Variants in LHPP observed in about 807,000 individuals in gnomAD.
The protein encoded by LHPP is phospholysine phosphohistidine inorganic pyrophosphate phosphatase, also known as hLHPP.
A neutral mutation model predicts 30.3 loss-of-function variants in LHPP; 24 were observed. The ratio of observed to expected loss-of-function variants is 0.79; its 90% confidence interval spans 0.57 to 1.11. The LOEUF (loss-of-function observed/expected upper bound fraction) is 1.11. Among genes scored for constraint, LHPP ranks in the 50% most tolerant of loss-of-function variants. The pLI, the probability that LHPP is intolerant of heterozygous loss-of-function variation, is 0.00. For synonymous variants in LHPP, 150 were observed against 157.1 expected (o/e 0.95, Z 0.34); for missense variants, 356 against 367.2 (o/e 0.97, Z 0.25).
At chr10:124,486,788 G>C (rs748355128) in intron 2 of LHPP, among the ~76,000 whole-genome samples, 1 of 152,188 alleles carries the variant, frequency 6.6e-6, no homozygotes, top group Non-Finnish European at 1.5e-5. Flanking sequence ...GGTGTTCACT[G>C]TAAGCCAAGC....
At chr10:124,534,135 G>A (rs959806842) in intron 6 of LHPP, among the ~76,000 whole-genome samples, 6 of 152,224 alleles carry the variant, frequency 3.9e-5, no homozygotes, top group Non-Finnish European at 7.3e-5. Context: ...GGCCCTAGGC[G>A]TGATAAGTGA....
chr10:124,486,673 TG>T (rs1306451718), intron 2 of LHPP, among the ~76,000 whole-genome samples: 6 of 152,178 alleles, frequency 3.9e-5, no homozygotes, highest in Admixed American at 2.6e-4. Context: ...CCAGGGTTTT[TG>T]TGTAGACATT....
chr10:124,605,806 A>G (rs955923399), intron 6 of LHPP, among the ~76,000 whole-genome samples: 1 of 142,774 alleles, frequency 7.0e-6, no homozygotes, highest in Non-Finnish European at 1.5e-5. Flanking sequence ...CTGGCTGCAA[A>G]AGAGGAGAGG....
rs151332601 is a variant in LHPP at position 124,595,106 on chromosome 10, T to G, written c.717-18158T>G. On this transcript the variant is annotated intron_variant, in intron 6 of 6. Transcript: ENST00000368842. ...TTTAATGAGGCTGGGCCTGCCTCTTTCTGATGGAATGAACTCTCCCCAGGT... is the reference window on the plus strand; with the variant it reads ...TTTAATGAGGCTGGGCCTGCCTCTTGCTGATGGAATGAACTCTCCCCAGGT... Among the ~76,000 whole-genome samples the G allele has an allele frequency of 2.6e-5, 4 of 152,310 alleles. No individual in the cohort carries two copies. In the East Asian group the frequency reaches 7.7e-4, roughly 29 times the overall value.
chr10:124,545,485 A>G (rs1955312351), intron 6 of LHPP, among the ~76,000 whole-genome samples: 1 of 152,126 alleles, frequency 6.6e-6, no homozygotes, highest in Admixed American at 6.5e-5. Flanking sequence ...TTTGTGCAGG[A>G]GGGTCTTTGT....
intron 6 of LHPP, among the ~76,000 whole-genome samples, chr10:124,528,764 T>G (rs1954808592): frequency 6.8e-6 from 1 of 147,630 alleles, no homozygotes; most frequent in South Asian, 2.2e-4. Flanking sequence ...ACCAAGCACC[T>G]ACTATGGCCA....
chr10:124,497,320 C>T (rs1172067040), intron 4 of LHPP, among the ~76,000 whole-genome samples: 3 of 151,752 alleles, frequency 2.0e-5, no homozygotes, highest in Admixed American at 6.6e-5. Context: ...CCCCCCTGCC[C>T]GCCGTGGACC....
chr10:124,572,669 GA>G (rs1248183626), intron 6 of LHPP, among the ~76,000 whole-genome samples: 1 of 124,720 alleles, frequency 8.0e-6, no homozygotes, highest in South Asian at 2.8e-4. Flanking sequence ...GGAAAGAAAA[GA>G]AAAAAAAGAA....
chr10:124,529,836 C>T (rs937970426), intron 6 of LHPP, among the ~76,000 whole-genome samples: 1 of 147,836 alleles, frequency 6.8e-6, no homozygotes, highest in East Asian at 2.0e-4. Context: ...CACACACATG[C>T]GCACATGCAC....
chr10:124,568,563 G>A (rs1948532208), intron 6 of LHPP, among the ~76,000 whole-genome samples: 1 of 152,214 alleles, frequency 6.6e-6, no homozygotes, highest in South Asian at 2.1e-4. Flanking sequence ...TTCCCGCTTC[G>A]TGGCAAGTCG....
intron 3 of LHPP, among the ~76,000 whole-genome samples, chr10:124,488,980 A>T (rs1163283658): frequency 2.6e-5 from 4 of 152,214 alleles, no homozygotes; most frequent in African/African-American, 9.7e-5. Flanking sequence ...TTAGTAAAAC[A>T]TAGGCTTGAG....
At chr10:124,481,391 T>G (rs61861931) in intron 1 of LHPP, among the ~76,000 whole-genome samples, 91 of 140,758 alleles carry the variant, frequency 6.5e-4, no homozygotes, top group Non-Finnish European at 7.4e-4. Flanking sequence ...TTTTTTTTTT[T>G]TTTGCGACAG....
At chr10:124,542,501 G>A (rs57657410) in intron 6 of LHPP, among the ~76,000 whole-genome samples, 27,484 of 152,120 alleles carry the variant, frequency 0.18, 4,305 homozygotes, top group African/African-American at 0.43. Flanking sequence ...TGGAGAGGGC[G>A]CTGGGGGAAT....
Position 124,506,845 on chromosome 10 carries a change from G to C in LHPP, c.624+8717G>C, listed in dbSNP as rs1193696073. Among the ~76,000 whole-genome samples the C allele has an allele frequency of 5.4e-5, 2 of 36,840 alleles. 1 individual carries two copies. The highest frequency in any genetic ancestry group is 4.4e-4 in the Admixed American group (2 of 4,566). 24.2% of individuals were successfully genotyped at this position (36,840 alleles called of 152,430 possible). ...GGGGGGTAGGGAGGATTTCAGGTAG[G>C]GGGTAGGGAGGATTTCAGGTGGAGA... On this transcript the variant is annotated intron_variant, in intron 5 of 6. Transcript: ENST00000368842.
intron 5 of LHPP, among the ~76,000 whole-genome samples, chr10:124,502,322 C>G (rs1188638474): frequency 2.0e-5 from 3 of 151,890 alleles, no homozygotes; most frequent in Admixed American, 2.0e-4. Context: ...GAGGAGGTGT[C>G]TTCCAGAGTT....
At chr10:124,467,695 T>A (rs925795786) in intron 1 of LHPP, among the ~76,000 whole-genome samples, 1 of 127,170 alleles carries the variant, frequency 7.9e-6, no homozygotes, top group African/African-American at 3.1e-5. Flanking sequence ...TTTTCTTTTG[T>A]GTGTGTGTGT....
At chr10:124,470,296 C>T (rs1952688791) in intron 1 of LHPP, among the ~76,000 whole-genome samples, 1 of 152,162 alleles carries the variant, frequency 6.6e-6, no homozygotes, top group Non-Finnish European at 1.5e-5. Flanking sequence ...GGGCCCAGCC[C>T]AGGCCCGGCT....
intron 1 of LHPP, among the ~76,000 whole-genome samples, chr10:124,481,171 A>C (rs974122610): frequency 6.6e-5 from 10 of 152,078 alleles, no homozygotes; most frequent in African/African-American, 1.2e-4. Context: ...CAATTGCGTA[A>C]ATCAGATGAT....
intron 6 of LHPP, among the ~76,000 whole-genome samples, chr10:124,578,769 C>T (rs895964177): frequency 6.6e-6 from 1 of 151,842 alleles, no homozygotes; most frequent in African/African-American, 2.4e-5. Flanking sequence ...CGCTTGCACC[C>T]CCACCATCCA....
Sources: allele counts gnomAD v4.1 joint callset (sites outside exome capture counted in the v4.1 genomes callset), GRCh38; gene constraint gnomAD v4.1.1; transcripts MANE v1.5; gene names NCBI Gene and HGNC (gene_info 2026-07-23, HGNC 2026-07-21).